SOX5: variants seen among roughly 807,000 people sequenced by gnomAD.
The protein encoded by SOX5 is SRY-box transcription factor 5, also known as transcription factor SOX-5.
In SOX5, 9 loss-of-function variants were observed where a neutral mutation model predicts 92.0. That is an observed-to-expected ratio of 0.10 (90% CI 0.06 to 0.17). The LOEUF is 0.17. Among genes scored for constraint, SOX5 ranks in the 10% least tolerant of loss-of-function variants. SOX5 has a pLI of 1.00. For missense variants in SOX5, 642 were observed against 944.5 expected (o/e 0.68, Z 4.20); for synonymous variants, 344 against 336.3 (o/e 1.02, Z -0.25).
At chr12:23,893,309 G>A (rs906599785) in intron 2 of SOX5, among the ~76,000 whole-genome samples, 1 of 152,102 alleles carries the variant, frequency 6.6e-6, no homozygotes, top group Non-Finnish European at 1.5e-5. Flanking sequence ...AGCTGGGCTT[G>A]GTGGCGGGGG....
chr12:24,032,186 T>C (rs939302336), intron 4 of SOX5, among the ~76,000 whole-genome samples: 1 of 151,738 alleles, frequency 6.6e-6, no homozygotes, highest in Non-Finnish European at 1.5e-5. Flanking sequence ...TAATACCTAA[T>C]ATATACACAT....
chr12:24,054,052 A>C (rs1957861044), intron 4 of SOX5, among the ~76,000 whole-genome samples: 1 of 152,222 alleles, frequency 6.6e-6, no homozygotes, highest in Non-Finnish European at 1.5e-5. Context: ...GTGCGTCAAG[A>C]AAAATCGAAA....
At chr12:23,941,802 T>C (rs2139565660) in intron 1 of SOX5, among the ~76,000 whole-genome samples, 1 of 151,682 alleles carries the variant, frequency 6.6e-6, no homozygotes, top group Middle Eastern at 3.4e-3. Context: ...ATGAATACTA[T>C]ACCTTATCCT....
chr12:24,273,340 C>T (rs373879418), intron 3 of SOX5, among the ~76,000 whole-genome samples: 5 of 152,262 alleles, frequency 3.3e-5, no homozygotes, highest in East Asian at 1.9e-4. Flanking sequence ...CTTTATAGGA[C>T]GATTTTTGAT....
At chr12:24,302,904 A>G (rs1948142191) in intron 2 of SOX5, among the ~76,000 whole-genome samples, 1 of 152,172 alleles carries the variant, frequency 6.6e-6, no homozygotes, top group Non-Finnish European at 1.5e-5. Flanking sequence ...CTGACTTCAC[A>G]TTAGTTATAG....
chr12:23,703,324 C>T (rs1472060570), intron 6 of SOX5, among the ~76,000 whole-genome samples: 5 of 152,022 alleles, frequency 3.3e-5, no homozygotes, highest in African/African-American at 1.2e-4. Context: ...GTATTGCTCC[C>T]TGAGCTAGAA....
intron 6 of SOX5, among the ~76,000 whole-genome samples, chr12:23,685,323 A>C (rs1479041489): frequency 6.6e-6 from 1 of 152,236 alleles, no homozygotes; most frequent in East Asian, 1.9e-4. Context: ...AATCCTAAGT[A>C]TAGTAAACAG....
chr12:23,679,964 T>A (rs989370801), intron 6 of SOX5, among the ~76,000 whole-genome samples: 4 of 150,570 alleles, frequency 2.7e-5, no homozygotes. Context: ...TAGTAACAAG[T>A]AAAAAAAAAC....
intron 4 of SOX5, among the ~76,000 whole-genome samples, chr12:24,083,888 A>C (rs1428856563): frequency 6.6e-6 from 1 of 152,078 alleles, no homozygotes; most frequent in Admixed American, 6.6e-5. Context: ...GGAGCCATAG[A>C]GTACTTGCTG....
rs1213198474 is a variant in SOX5, at chr12:23,592,115, A to C, written c.1164+12272T>G. 3.3e-5 allele frequency among the ~76,000 whole-genome samples: 5 copies of C among 152,228 alleles called. No homozygotes were observed. In the East Asian group the frequency reaches 9.6e-4, roughly 29 times the overall value. ...ATGCTGGCAACTGGCCTTGCAAAGC[A>C]CTACAACAGAGCTTTAAGAAAATAT... On this transcript the variant is annotated intron_variant, in intron 9 of 14. Transcript: ENST00000451604.
intron 4 of SOX5, among the ~76,000 whole-genome samples, chr12:24,174,735 C>T (rs1474071043): frequency 2.0e-5 from 3 of 151,898 alleles, no homozygotes; most frequent in Non-Finnish European, 4.4e-5. Context: ...GAAGGAGAAT[C>T]GCTTGAACCA....
At chr12:24,126,239 A>T (rs16927204) in intron 4 of SOX5, among the ~76,000 whole-genome samples, 3 of 152,054 alleles carry the variant, frequency 2.0e-5, no homozygotes, top group Admixed American at 1.3e-4. Flanking sequence ...TTCCAAATCT[A>T]TATTTCTCCC....
intron 4 of SOX5, among the ~76,000 whole-genome samples, chr12:24,081,333 A>T (rs549894153): frequency 3.9e-5 from 6 of 152,028 alleles, no homozygotes; most frequent in Non-Finnish European, 7.4e-5. Context: ...CTCTAATTAA[A>T]TGTAGAATTA....
intron 4 of SOX5, among the ~76,000 whole-genome samples, chr12:24,087,318 T>A (rs1213357719): frequency 6.6e-6 from 1 of 152,044 alleles, no homozygotes; most frequent in Non-Finnish European, 1.5e-5. Flanking sequence ...CAAATAGAGA[T>A]GTAATATTTC....
At chr12:24,413,318 A>T (rs995366534) in intron 1 of SOX5, among the ~76,000 whole-genome samples, 1 of 152,190 alleles carries the variant, frequency 6.6e-6, no homozygotes, top group African/African-American at 2.4e-5. Context: ...CTCTGTCACT[A>T]GTAACTTTCC....
intron 3 of SOX5, among the ~76,000 whole-genome samples, chr12:23,786,912 T>C (rs1039928311): frequency 6.9e-6 from 1 of 145,688 alleles, no homozygotes; most frequent in African/African-American, 2.5e-5. Flanking sequence ...AAGGTTCCTG[T>C]TTCGAGTTTT....
intron 3 of SOX5, among the ~76,000 whole-genome samples, chr12:24,237,194 G>C (rs1964683363): frequency 6.6e-6 from 1 of 152,176 alleles, no homozygotes. Flanking sequence ...CTGGAAGTCA[G>C]GGAAGCTAAA....
At chr12:23,744,008 T>C (rs2093895609) in intron 4 of SOX5, among the ~76,000 whole-genome samples, 1 of 152,226 alleles carries the variant, frequency 6.6e-6, no homozygotes, top group South Asian at 2.1e-4. Context: ...AAATTTCTAA[T>C]TTTATAGTCC....
intron 4 of SOX5, among the ~76,000 whole-genome samples, chr12:24,073,039 C>T (rs1942012746): frequency 6.6e-6 from 1 of 152,028 alleles, no homozygotes; most frequent in Non-Finnish European, 1.5e-5. Context: ...AATATATTTG[C>T]AAAACAAAGA....
Sources: allele counts gnomAD v4.1 joint callset (sites outside exome capture counted in the v4.1 genomes callset), GRCh38; gene constraint gnomAD v4.1.1; transcripts MANE v1.5; gene names NCBI Gene and HGNC (gene_info 2026-07-23, HGNC 2026-07-21).